PEAK1: variants seen among roughly 807,000 people sequenced by gnomAD.
PEAK1 encodes the protein inactive tyrosine-protein kinase PEAK1.
In PEAK1, 54 loss-of-function variants were observed where a neutral mutation model predicts 124.7. The ratio of observed to expected loss-of-function variants is 0.43; its 90% confidence interval spans 0.35 to 0.54. The LOEUF (loss-of-function observed/expected upper bound fraction) is 0.54. PEAK1 is among the 20% of genes least tolerant of loss of function. The pLI is 0.01. For synonymous variants in PEAK1, 719 were observed against 760.0 expected (o/e 0.95, Z 0.89); for missense variants, 2,046 against 2,134.5 (o/e 0.96, Z 0.82).
chr15:77,403,800 A>C (rs2142034354), intron 1 of PEAK1: 4 of 981,388 alleles, frequency 4.1e-6, no homozygotes, highest in East Asian at 2.3e-4. Flanking sequence ...CAATTTAAAA[A>C]AAAGCTTATT....
At chr15:77,347,475 C>G in intron 2 of PEAK1, 1 of 985,366 alleles carries the variant, frequency 1.0e-6, no homozygotes, top group Non-Finnish European at 1.2e-6. Context: ...CTAGGGCTGG[C>G]ACACCTGGAC....
chr15:77,230,205 CTT>C (rs35142497), intron 6 of PEAK1, among the ~76,000 whole-genome samples: 71 of 147,946 alleles, frequency 4.8e-4, no homozygotes, highest in African/African-American at 5.2e-4. Flanking sequence ...TGAGATAAGT[CTT>C]TTTTTTTTTT....
intron 2 of PEAK1, among the ~76,000 whole-genome samples, chr15:77,312,781 T>C (rs2064559140): frequency 6.6e-6 from 1 of 152,218 alleles, no homozygotes; most frequent in Non-Finnish European, 1.5e-5. Context: ...GATTTTTGAT[T>C]ATGGAAAGAA....
intron 1 of PEAK1, among the ~76,000 whole-genome samples, chr15:77,411,222 G>A (rs764989335): frequency 6.6e-6 from 1 of 151,746 alleles, no homozygotes; most frequent in Admixed American, 6.6e-5. Flanking sequence ...AACCCTGCTT[G>A]TAAATGGAAA....
intron 9 of PEAK1, among the ~76,000 whole-genome samples, chr15:77,121,875 C>G (rs2051947573): frequency 6.6e-6 from 1 of 152,152 alleles, no homozygotes; most frequent in African/African-American, 2.4e-5. Flanking sequence ...AACAATCATA[C>G]ACATTACACC....
intron 8 of PEAK1, among the ~76,000 whole-genome samples, chr15:77,135,257 G>A (rs914660853): frequency 2.0e-4 from 31 of 152,208 alleles, no homozygotes; most frequent in African/African-American, 7.5e-4. Context: ...GGATGGTGCT[G>A]AGGATGACAA....
chr15:77,195,294 C>G lies in PEAK1; in HGVS notation c.-114-13254G>C, dbSNP rs571941389. ...CATTCTTTCAAAGGAACATAGAGAACTAAAATTTTACTGTATCATTAAAGT... is the reference window on the plus strand; with the variant it reads ...CATTCTTTCAAAGGAACATAGAGAAGTAAAATTTTACTGTATCATTAAAGT... On this transcript the variant is annotated intron_variant, in intron 6 of 9. Transcript: ENST00000682557. Among the ~76,000 whole-genome samples, 39 of 152,154 alleles carry G rather than the reference C, an allele frequency of 2.6e-4. 1 individual carries two copies. The highest frequency in any genetic ancestry group is 1.9e-3 in the Admixed American group (29 of 15,280).
At chr15:77,204,291 C>T (rs116036753) in intron 6 of PEAK1, among the ~76,000 whole-genome samples, 37 of 152,270 alleles carry the variant, frequency 2.4e-4, no homozygotes, top group African/African-American at 8.7e-4. Context: ...TTATCCATTG[C>T]TATCGGGAAT....
At chr15:77,310,024 G>A (rs1055190335) in intron 2 of PEAK1, among the ~76,000 whole-genome samples, 1 of 152,182 alleles carries the variant, frequency 6.6e-6, no homozygotes, top group African/African-American at 2.4e-5. Context: ...ACCCAAACTA[G>A]TGGACTAAAT....
intron 2 of PEAK1, among the ~76,000 whole-genome samples, chr15:77,336,760 G>C (rs2066227095): frequency 6.6e-6 from 1 of 152,024 alleles, no homozygotes; most frequent in South Asian, 2.1e-4. Flanking sequence ...TCAGAAAAAT[G>C]TATAAATAAG....
chr15:77,278,267 C>G (rs538369033), intron 5 of PEAK1, among the ~76,000 whole-genome samples: 123 of 152,130 alleles, frequency 8.1e-4, no homozygotes, highest in Non-Finnish European at 1.4e-3. Context: ...GAACACTACT[C>G]AGCAATTAAA....
chr15:77,409,806 T>C (rs914299870), intron 1 of PEAK1, among the ~76,000 whole-genome samples: 1 of 152,192 alleles, frequency 6.6e-6, no homozygotes, highest in Non-Finnish European at 1.5e-5. Flanking sequence ...CTTGTATATA[T>C]GCATGACATA....
chr15:77,132,256 ATT>A (rs929856539), intron 9 of PEAK1, among the ~76,000 whole-genome samples: 1 of 142,794 alleles, frequency 7.0e-6, no homozygotes. Context: ...AATTTTTTCT[ATT>A]TTTTTTTTTA....
chr15:77,238,577 T>A (rs1461485243), intron 6 of PEAK1, among the ~76,000 whole-genome samples: 44 of 152,316 alleles, frequency 2.9e-4, no homozygotes, highest in Non-Finnish European at 5.9e-5. Context: ...TTCAAATATT[T>A]TGTGATTCTG....
chr15:77,278,857 G>C (rs1312894957), intron 5 of PEAK1: 9 of 278,776 alleles, frequency 3.2e-5, no homozygotes, highest in Non-Finnish European at 5.8e-5. Flanking sequence ...TTTTGAGACA[G>C]AGTCTCACTC....
intron 6 of PEAK1, among the ~76,000 whole-genome samples, chr15:77,242,408 T>C (rs1386147863): frequency 6.6e-6 from 1 of 152,130 alleles, no homozygotes; most frequent in Non-Finnish European, 1.5e-5. Context: ...TCTCATTAAA[T>C]TACTGTATCA....
rs564543759 is a variant in PEAK1, at chr15:77,396,387, T to TA, written c.-666+23618dup. Among the ~76,000 whole-genome samples, 798 of 151,002 alleles carry TA rather than the reference T, an allele frequency of 5.3e-3. 8 individuals carry two copies. The highest frequency in any genetic ancestry group is 0.019 in the African/African-American group (778 of 41,150). On this transcript the variant is annotated intron_variant, in intron 1 of 9. Transcript: ENST00000682557. ...GACCACAAAACAACCAGGAAACAAA[T>TA]AAAAATATGGTAGAAGTAAGTTACT...
chr15:77,309,310 T>A (rs556071849), intron 2 of PEAK1, among the ~76,000 whole-genome samples: 41 of 152,210 alleles, frequency 2.7e-4, no homozygotes, highest in African/African-American at 9.6e-4. Context: ...GCGGCCACCA[T>A]TGCTTTTGAC....
chr15:77,247,780 G>T (rs1460256884), intron 6 of PEAK1, among the ~76,000 whole-genome samples: 1 of 151,936 alleles, frequency 6.6e-6, no homozygotes, highest in East Asian at 1.9e-4. Context: ...GAATTGCATT[G>T]ATTCATTCTG....
Sources: allele counts gnomAD v4.1 joint callset (sites outside exome capture counted in the v4.1 genomes callset), GRCh38; gene constraint gnomAD v4.1.1; transcripts MANE v1.5; gene names NCBI Gene and HGNC (gene_info 2026-07-23, HGNC 2026-07-21).